The following GPC6 variants were observed in gnomAD, a reference collection of about 807,000 sequenced individuals.
GPC6 encodes the protein glypican-6.
In GPC6, 14 loss-of-function variants were observed where a neutral mutation model predicts 55.2. The ratio of observed to expected loss-of-function variants is 0.25; its 90% CI spans 0.17 to 0.40. The LOEUF is 0.40. GPC6 is among the 10% of genes least tolerant of loss of function. The pLI, the probability that GPC6 is intolerant of heterozygous loss-of-function variation, is 1.00. For missense variants in GPC6, 641 were observed against 708.5 expected (o/e 0.90, Z 1.08); for synonymous variants, 278 against 259.6 (o/e 1.07, Z -0.68).
In GPC6 at chr13:94,216,639, A is replaced by G. The variant is rs115257249; in HGVS notation, c.878-69710A>G. Among the ~76,000 whole-genome samples, 850 of 152,196 alleles carry G rather than the reference A, an allele frequency of 5.6e-3. 14 individuals carry two copies. Among genetic ancestry groups the G allele is most frequent in the African/African-American group, 0.019 (804 of 41,526 alleles). On this transcript the variant is annotated intron_variant, in intron 4 of 8. Coordinates refer to ENST00000377047, the MANE Select transcript of GPC6 (RefSeq NM_005708.5). ...TCTGGTCTTTGAAAGTTAGTTATTCACTTCCACGTCTTCTGTTCTGCCAGC... is the reference window on the plus strand; with the variant it reads ...TCTGGTCTTTGAAAGTTAGTTATTCGCTTCCACGTCTTCTGTTCTGCCAGC...
intron 1 of GPC6, among the ~76,000 whole-genome samples, chr13:93,424,592 A>T (rs2139264478): frequency 6.6e-6 from 1 of 151,704 alleles, no homozygotes; most frequent in African/African-American, 2.4e-5. Flanking sequence ...GTAGCAGAAA[A>T]TAGCAAATAC....
At chr13:94,312,381 C>T (rs775394594) in intron 6 of GPC6, among the ~76,000 whole-genome samples, 2 of 152,156 alleles carry the variant, frequency 1.3e-5, no homozygotes, top group Non-Finnish European at 2.9e-5. Context: ...GCATTATTTC[C>T]TGCCTGATGG....
chr13:93,804,071 G>T lies in GPC6; in HGVS notation c.320-26083G>T, dbSNP rs371589032. On this transcript the variant is annotated intron_variant, in intron 2 of 8. Coordinates refer to ENST00000377047, the MANE Select transcript of GPC6 (RefSeq NM_005708.5). ...ATTTTATAATTTAAATGGATGAATT[G>T]TATGGAAGTATATGAATTATATCTT... is the stretch of plus-strand genomic sequence containing the variant. Among the ~76,000 whole-genome samples, 60 of 152,192 alleles carry T rather than the reference G, an allele frequency of 3.9e-4. No individual in the cohort carries two copies. In the East Asian group the frequency reaches 6.8e-3, roughly 17 times the overall value.
At position 93,676,156 on chromosome 13, in the gene GPC6, TATATATATATATAC is replaced by T. The variant is rs1471199467; in HGVS notation, c.319+130739_319+130752del. On this transcript the variant is annotated intron_variant, in intron 2 of 8. Transcript: ENST00000377047. ...ATATATATATATATATATATATATATATATATATATATACATACACACACACACACACACATATA... is the reference window on the plus strand; with the variant it reads ...ATATATATATATATATATATATATATATACACACACACACACACACATATA... Among the ~76,000 whole-genome samples the T allele has an allele frequency of 4.0e-3, 68 of 16,904 alleles. 1 individual carries two copies. Among genetic ancestry groups the T allele is most frequent in the African/African-American group, 5.5e-3 (58 of 10,626 alleles). 11.1% of individuals were successfully genotyped at this position (16,904 alleles called of 152,430 possible).
At chr13:94,085,343 AAGGG>A (rs1885244273) in intron 4 of GPC6, among the ~76,000 whole-genome samples, 4 of 148,484 alleles carry the variant, frequency 2.7e-5, no homozygotes, top group Admixed American at 6.7e-5. Context: ...AAAAAAAAAA[AAGGG>A]AAGAAAAAGA....
intron 3 of GPC6, among the ~76,000 whole-genome samples, chr13:93,965,765 C>T (rs1316875376): frequency 6.6e-6 from 1 of 152,140 alleles, no homozygotes; most frequent in Non-Finnish European, 1.5e-5. Context: ...ACAGCAGCCT[C>T]TTAGGTCACC....
intron 2 of GPC6, among the ~76,000 whole-genome samples, chr13:93,683,788 G>T (rs942762378): frequency 6.6e-6 from 1 of 152,024 alleles, no homozygotes; most frequent in African/African-American, 2.4e-5. Context: ...TAGTCCTTTT[G>T]GGCTGCTATA....
At chr13:93,902,696 C>T (rs908405034) in intron 3 of GPC6, among the ~76,000 whole-genome samples, 1 of 152,154 alleles carries the variant, frequency 6.6e-6, no homozygotes, top group African/African-American at 2.4e-5. Flanking sequence ...TCCACATCTC[C>T]ACCAGCACTT....
intron 1 of GPC6, among the ~76,000 whole-genome samples, chr13:93,543,916 C>T (rs755328338): frequency 1.1e-4 from 17 of 152,218 alleles, no homozygotes; most frequent in Non-Finnish European, 1.9e-4. Flanking sequence ...TCATAGTTTA[C>T]GTTCCCACTG....
chr13:93,765,221 A>G (rs12867691), intron 2 of GPC6, among the ~76,000 whole-genome samples: 28,388 of 80,506 alleles, frequency 0.35, 3,455 homozygotes, highest in Admixed American at 0.41. Context: ...CTTTTTATGA[A>G]AAAAGATAAA....
chr13:93,910,628 G>T (rs1224620070), intron 3 of GPC6, among the ~76,000 whole-genome samples: 1 of 152,030 alleles, frequency 6.6e-6, no homozygotes, highest in East Asian at 1.9e-4. Flanking sequence ...GGCTAATTCA[G>T]TGTGGTGTTC....
chr13:93,450,145 G>GT (rs1217680274), intron 1 of GPC6, among the ~76,000 whole-genome samples: 1 of 152,070 alleles, frequency 6.6e-6, no homozygotes. Flanking sequence ...CACCACTGGA[G>GT]TTTTTTTCTC....
In GPC6 at chr13:94,290,009, CTA is replaced by C. The variant is rs561431827; in HGVS notation, c.1008+3532_1008+3533del. ...AACAAACAGGATTTGCCTTTCCCCACTATGTTGATGTTTGTATTGATGGCACA... is the reference window on the plus strand; with the variant it reads ...AACAAACAGGATTTGCCTTTCCCCACTGTTGATGTTTGTATTGATGGCACA... On this transcript the variant is annotated intron_variant, in intron 5 of 8. Transcript: ENST00000377047. Among the ~76,000 whole-genome samples the C allele has an allele frequency of 2.2e-4, 33 of 152,244 alleles. No homozygotes were observed. The East Asian group carries it at 6.4e-3, about 29-fold the overall frequency.
chr13:94,342,816 T>G (rs891704540), intron 6 of GPC6, among the ~76,000 whole-genome samples: 1 of 152,112 alleles, frequency 6.6e-6, no homozygotes, highest in African/African-American at 2.4e-5. Context: ...GTCTCTCTCG[T>G]AAGCCCATCC....
At chr13:93,863,731 C>T (rs1323069277) in intron 3 of GPC6, among the ~76,000 whole-genome samples, 1 of 151,648 alleles carries the variant, frequency 6.6e-6, no homozygotes, top group Non-Finnish European at 1.5e-5. Context: ...TTATGACCTA[C>T]AGTTTCCCAA....
At chr13:94,081,224 C>G (rs1885085464) in intron 4 of GPC6, among the ~76,000 whole-genome samples, 1 of 152,182 alleles carries the variant, frequency 6.6e-6, no homozygotes, top group African/African-American at 2.4e-5. Context: ...GCCAACCATT[C>G]AATTCATTTC....
intron 3 of GPC6, among the ~76,000 whole-genome samples, chr13:93,883,038 T>C (rs1215767472): frequency 6.6e-6 from 1 of 151,820 alleles, no homozygotes; most frequent in East Asian, 1.9e-4. Context: ...TCCTGCTTCC[T>C]TAAATAAAAT....
chr13:94,110,656 C>T (rs147990017), intron 4 of GPC6, among the ~76,000 whole-genome samples: 8 of 152,082 alleles, frequency 5.3e-5, no homozygotes, highest in Admixed American at 1.3e-4. Context: ...TCAAAGAAAA[C>T]ATTGAGGCTT....
At chr13:93,385,189 C>T (rs567569065) in intron 1 of GPC6, among the ~76,000 whole-genome samples, 14 of 152,278 alleles carry the variant, frequency 9.2e-5, no homozygotes, top group East Asian at 3.9e-4. Flanking sequence ...AAGAGAGCTG[C>T]GGCACTGAAG....
Sources: allele counts gnomAD v4.1 joint callset (sites outside exome capture counted in the v4.1 genomes callset), GRCh38; gene constraint gnomAD v4.1.1; transcripts MANE v1.5; gene names NCBI Gene and HGNC (gene_info 2026-07-23, HGNC 2026-07-21).